The following NOP9 variants were observed in gnomAD, a reference collection of about 807,000 sequenced individuals.
The protein encoded by NOP9 is NOP9 nucleolar protein.
In NOP9, 50 loss-of-function variants were observed where a neutral mutation model predicts 63.0. The ratio of observed to expected loss-of-function variants is 0.79; its 90% confidence interval spans 0.63 to 1.00. The LOEUF (loss-of-function observed/expected upper bound fraction) is 1.00, where lower values mean the gene tolerates loss of function less well. Among genes scored for constraint, NOP9 ranks in the 50% least tolerant of loss-of-function variants. NOP9 has a pLI of 0.00. For synonymous variants in NOP9, 343 were observed against 332.8 expected, an observed-to-expected ratio of 1.03 and a Z score of -0.33; for missense variants, 758 against 803.0, an observed-to-expected ratio of 0.94 and a Z score of 0.68.
chr14:24,287,965 C>T, the NOP9 span, among the ~76,000 whole-genome samples: 1 of 152,228 alleles, frequency 6.6e-6, no homozygotes, highest in African/African-American at 2.4e-5. Context: ...TTCCCACATC[C>T]TGAATCTCTT....
At chr14:24,290,950 TGTGA>T in the NOP9 span, 1 of 1,613,970 alleles carries the variant, frequency 6.2e-7, no homozygotes, top group Non-Finnish European at 8.5e-7. Context: ...GCCGGACACG[TGTGA>T]GAGAACAGAG....
At chr14:24,273,964 G>A in the NOP9 span, among the ~76,000 whole-genome samples, 2 of 152,248 alleles carry the variant, frequency 1.3e-5, no homozygotes, top group African/African-American at 4.8e-5. Context: ...AAGAATCTAT[G>A]TAAAGTGCTT....
At chr14:24,291,747 A>G in the NOP9 span, 6 of 1,052,916 alleles carry the variant, frequency 5.7e-6, no homozygotes, top group Admixed American at 1.1e-4. Context: ...AAAGACCTCA[A>G]GCAGGGCCTG....
In NOP9 at chr14:24,304,537, G is replaced by A. The variant is rs1004292422; in HGVS notation, c.1692G>A (p.Val564=). 6.2e-7 allele frequency: 1 copy of A among 1,613,846 alleles called. No homozygotes were observed. The highest frequency in any genetic ancestry group is 2.2e-5 in the East Asian group (1 of 44,880). ...ALACSRHGSR[V]LDAIWSGAAL... is the part of the protein sequence containing the mutation. Reference sequence around the variant, plus strand: ...CCTGTAGTCGCCATGGCAGCCGTGTGCTAGATGCCATCTGGAGTGGAGCAG... The same window carrying A: ...CCTGTAGTCGCCATGGCAGCCGTGTACTAGATGCCATCTGGAGTGGAGCAG... The change falls in exon 9 of 10, where the codon GTG becomes GTA. Residue 564 remains valine (V), a synonymous_variant. Coordinates refer to ENST00000267425, the MANE Select transcript of NOP9 (RefSeq NM_174913.3).
At chr14:24,271,891 G>C in the NOP9 span, among the ~76,000 whole-genome samples, 3 of 151,866 alleles carry the variant, frequency 2.0e-5, no homozygotes, top group Non-Finnish European at 2.9e-5. Context: ...AATCTAACAG[G>C]GGGAGTTTCC....
the NOP9 span, chr14:24,291,060 G>C: frequency 2.5e-6 from 4 of 1,613,052 alleles, no homozygotes; most frequent in Non-Finnish European, 3.4e-6. Context: ...CCTCACCTTG[G>C]CTGGAGAGAC....
Position 24,307,667 on chromosome 14 carries a change from G to A in NOP9, c.*2572G>A, listed in dbSNP as rs993580172. 4.2e-6 allele frequency: 5 copies of A among 1,204,790 alleles called. No individual in the cohort carries two copies. The Admixed American group carries it at 8.2e-5, about 20-fold the overall frequency. 74.6% of individuals were successfully genotyped at this position (1,204,790 alleles called of 1,614,324 possible). A position where few individuals can be genotyped will look rare whatever the true frequency, so the allele number is the denominator to read the frequency against. On this transcript the variant is annotated 3_prime_UTR_variant, in exon 10 of 10. Coordinates refer to ENST00000267425, the MANE Select transcript of NOP9 (RefSeq NM_174913.3). ...GGAGAGACCATGGAGTGCAGGTGGG[G>A]GCGGGTGGCTCAGGAGCTTGACAAG...
At position 24,302,085 on chromosome 14, in the gene NOP9, G is replaced by C. The variant is rs1566411463; in HGVS notation, c.929G>C (p.Arg310Pro). Residue 310 changes from arginine to proline, a missense_variant, in exon 4 of 10, where the codon CGC (arginine) becomes CCC (proline). Physicochemically the swap from Arg to Pro is moderately radical, Grantham distance 103. Coordinates refer to ENST00000267425, the MANE Select transcript of NOP9 (RefSeq NM_174913.3). ...CNAVIGYLST[R>P]GSSVDGSPLL... ...GCTGTGATTGGCTACCTGAGTACTC[G>C]CGGTTCCTCAGTAGATGGCAGGTAT... 1 of 1,613,712 alleles carries C rather than the reference G, an allele frequency of 6.2e-7. No individual in the cohort carries two copies. The highest frequency in any genetic ancestry group is 1.3e-5 in the African/African-American group (1 of 74,892).
chr14:24,290,992 C>T, the NOP9 span: 82 of 1,614,044 alleles, frequency 5.1e-5, no homozygotes, highest in Middle Eastern at 8.3e-4. Context: ...TTGGACGGGG[C>T]GGCCTGGGAA....
chr14:24,308,663 C>T lies in NOP9; in HGVS notation c.*3568C>T, dbSNP rs1047927412. 1 of 152,308 alleles carries T rather than the reference C, an allele frequency of 6.6e-6. No homozygotes were observed. The highest frequency in any genetic ancestry group is 1.5e-5 in the Non-Finnish European group (1 of 68,104). 9.4% of individuals were successfully genotyped at this position (152,308 alleles called of 1,614,324 possible). A position where few individuals can be genotyped will look rare whatever the true frequency, so the allele number is the denominator to read the frequency against. The stretch of plus-strand genomic sequence containing the variant: ...TCCTTTGATGGCATCAAGACTTTAG[C>T]TTCTGGTGCGCTGTGTCCCAGCTCT... On this transcript the variant is annotated 3_prime_UTR_variant, in exon 10 of 10. Coordinates refer to ENST00000267425, the MANE Select transcript of NOP9 (RefSeq NM_174913.3).
At chr14:24,299,672 A>C, upstream of NOP9, 1 of 379,638 alleles carries the variant, frequency 2.6e-6, no homozygotes, top group African/African-American at 2.1e-5. Flanking sequence ...ACGTGGAGGC[A>C]GTGTTCAAGG....
At chr14:24,290,896 G>A in the NOP9 span, 4 of 1,613,878 alleles carry the variant, frequency 2.5e-6, no homozygotes, top group Admixed American at 5.0e-5. Flanking sequence ...AATCCACTTG[G>A]GCACACGGAG....
At chr14:24,291,440 A>C in the NOP9 span, 1 of 1,236,460 alleles carries the variant, frequency 8.1e-7, no homozygotes, top group Non-Finnish European at 1.2e-6. Context: ...CTCAAAAAGC[A>C]GAGAAAAGAA....
the NOP9 span, chr14:24,292,500 A>G: frequency 6.7e-7 from 1 of 1,499,790 alleles, no homozygotes; most frequent in Non-Finnish European, 9.1e-7. Flanking sequence ...AACCAAGAGG[A>G]GCACAAGCAA....
the NOP9 span, among the ~76,000 whole-genome samples, chr14:24,275,295 C>T: frequency 1.3e-5 from 2 of 152,202 alleles, no homozygotes; most frequent in Non-Finnish European, 2.9e-5. Context: ...TGAGTATCAA[C>T]AGAGCCCCAG....
the NOP9 span, chr14:24,271,429 C>T: frequency 3.6e-6 from 1 of 281,524 alleles, no homozygotes; most frequent in Non-Finnish European, 6.6e-6. Context: ...CCAAAGGTTG[C>T]CGCTACCCGC....
At position 24,302,284 on chromosome 14, in the gene NOP9, G is replaced by T. The variant is rs2041392104; in HGVS notation, c.1003G>T (p.Val335Phe). Residue 335 changes from valine (V) to phenylalanine (F), a missense_variant, in exon 5 of 10, where the codon GTC becomes TTC. By Grantham distance (50) the Val-to-Phe change is conservative. Transcript: ENST00000267425. ...GACGAGTTCCAGACTCCTGGAGCAG[G>T]TCCTGCTGGTGTTGGAGCCCCCAAG... ...DQTSSRLLEQ[V>F]LLVLEPPRLQ... 1 of 1,614,132 alleles carries T rather than the reference G, an allele frequency of 6.2e-7. No individual in the cohort carries two copies. Among genetic ancestry groups the T allele is most frequent in the Middle Eastern group, 1.6e-4 (1 of 6,062 alleles).
chr14:24,297,789 C>A (rs916208779), upstream of NOP9, among the ~76,000 whole-genome samples: 4 of 152,168 alleles, frequency 2.6e-5, no homozygotes, highest in Admixed American at 1.3e-4. Context: ...GCTTATGGAG[C>A]TCCCTCTGCT....
the NOP9 span, among the ~76,000 whole-genome samples, chr14:24,280,337 T>C: frequency 6.6e-6 from 1 of 152,058 alleles, no homozygotes; most frequent in Admixed American, 6.5e-5. Flanking sequence ...CTAAAGGAAG[T>C]GAGTGGGAGC....
Sources: gnomAD v4.1 joint callset for allele counts (sites outside exome capture counted in the v4.1 genomes callset) on GRCh38, gnomAD v4.1.1 for gene constraint, MANE v1.5 for transcripts, NCBI Gene and HGNC (gene_info 2026-07-23, HGNC 2026-07-21) for gene names.